The following DLGAP4 variants were observed in gnomAD, a reference collection of about 807,000 sequenced individuals.
DLGAP4 encodes the protein DLG associated protein 4.
In DLGAP4, 18 loss-of-function variants were observed where a neutral mutation model predicts 86.9. The observed-to-expected ratio is 0.21, with a 90% CI of 0.14 to 0.31. The LOEUF (loss-of-function observed/expected upper bound fraction) is 0.31, where lower values mean the gene tolerates loss of function less well. Among genes scored for constraint, DLGAP4 ranks in the 10% least tolerant of loss-of-function variants. DLGAP4 has a pLI of 1.00. For missense variants in DLGAP4, 1,085 were observed against 1,362.6 expected, an observed-to-expected ratio of 0.80 and a Z score of 3.21; for synonymous variants, 548 against 574.3, an observed-to-expected ratio of 0.95 and a Z score of 0.65.
In DLGAP4 at chr20:36,311,285, G is replaced by A. The variant is rs1251807161; in HGVS notation, c.-304+4773G>A. Among the ~76,000 whole-genome samples, 13 of 152,298 alleles carry A rather than the reference G, an allele frequency of 8.5e-5. No individual in the cohort carries two copies. The East Asian group carries it at 2.3e-3, about 27-fold the overall frequency. On this transcript the variant is annotated intron_variant, in intron 1 of 12. Coordinates refer to ENST00000339266, the MANE Select transcript of DLGAP4 (RefSeq NM_001365621.2). Reference sequence around the variant, plus strand: ...GCCCCTCTCACTGGGTCCTTGCAGGGAGGGCAGCGTTTAGGGGCTTCTCAC... The same window carrying A: ...GCCCCTCTCACTGGGTCCTTGCAGGAAGGGCAGCGTTTAGGGGCTTCTCAC...
At chr20:36,499,396 C>A in intron 8 of DLGAP4, 192 bp from the exon 9 acceptor site, 1 of 1,496,584 alleles carries the variant, frequency 6.7e-7, no homozygotes, top group Non-Finnish European at 9.1e-7. Flanking sequence ...CCCGCCTCCA[C>A]GCGAATGAGC....
chr20:36,342,997 C>A (rs2065399149), intron 1 of DLGAP4, among the ~76,000 whole-genome samples: 2 of 152,088 alleles, frequency 1.3e-5, no homozygotes, highest in Non-Finnish European at 2.9e-5. Context: ...GAGGGCAGGG[C>A]ACCTGAGGGA....
intron 1 of DLGAP4, among the ~76,000 whole-genome samples, chr20:36,358,997 C>G (rs1246822949): frequency 6.6e-6 from 1 of 152,182 alleles, no homozygotes; most frequent in Non-Finnish European, 1.5e-5. Context: ...TCCAGTCCTT[C>G]CAGTCTGGGA....
intron 10 of DLGAP4, among the ~76,000 whole-genome samples, chr20:36,513,516 C>T (rs1454488188): frequency 2.0e-5 from 3 of 146,570 alleles, no homozygotes; most frequent in Non-Finnish European, 3.0e-5. Context: ...CCACTGCAGT[C>T]CGCAATCCGG....
At position 36,482,679 on chromosome 20, in the gene DLGAP4, T is replaced by C. The variant is rs147908381; in HGVS notation, c.1649-14026T>C. ...CGTGGGTTGTTTTTTTGTTTTTGTT[T>C]TTGTTTTTTTGAGACAGGGTCTAAC... On this transcript the variant is annotated intron_variant, in intron 7 of 12. Coordinates refer to ENST00000339266, the MANE Select transcript of DLGAP4 (RefSeq NM_001365621.2). Among the ~76,000 whole-genome samples the C allele has an allele frequency of 5.5e-3, 830 of 152,250 alleles. 12 individuals carry two copies. Among genetic ancestry groups the C allele is most frequent in the African/African-American group, 0.019 (801 of 41,536 alleles).
chr20:36,389,724 G>A (rs2031723915), intron 2 of DLGAP4, among the ~76,000 whole-genome samples: 1 of 152,114 alleles, frequency 6.6e-6, no homozygotes, highest in South Asian at 2.1e-4. Flanking sequence ...TTTATTAAAG[G>A]TAGGCTATAA....
At chr20:36,398,113 T>C (rs1161896010) in intron 2 of DLGAP4, among the ~76,000 whole-genome samples, 1 of 152,240 alleles carries the variant, frequency 6.6e-6, no homozygotes. Flanking sequence ...AAAAAAACTT[T>C]GCCAATTTTT....
intron 2 of DLGAP4, among the ~76,000 whole-genome samples, chr20:36,372,242 A>C (rs2030970577): frequency 6.6e-6 from 1 of 152,212 alleles, no homozygotes; most frequent in South Asian, 2.1e-4. Context: ...TGACTGCTAA[A>C]GGTGGCACCT....
In DLGAP4 at chr20:36,486,818, G is replaced by A. The variant is rs964222070; in HGVS notation, c.1649-9887G>A. Among the ~76,000 whole-genome samples, 53 of 151,950 alleles carry A rather than the reference G, an allele frequency of 3.5e-4. 1 individual carries two copies. The highest frequency in any genetic ancestry group is 3.4e-3 in the Middle Eastern group (1 of 294). On this transcript the variant is annotated intron_variant, in intron 7 of 12. Transcript: ENST00000339266. ...GTAGAGGCGGGGTTTCACCATGTTG[G>A]CCAGGCTGGTCTCAAACTCCTGACC...
chr20:36,424,791 A>G (rs1213285426), intron 2 of DLGAP4, among the ~76,000 whole-genome samples: 7 of 148,710 alleles, frequency 4.7e-5, no homozygotes, highest in Non-Finnish European at 1.0e-4. Flanking sequence ...TCTGGAGTGC[A>G]GTGGCACAAT....
At chr20:36,444,409 G>T (rs991548238) in intron 6 of DLGAP4, among the ~76,000 whole-genome samples, 1 of 151,700 alleles carries the variant, frequency 6.6e-6, no homozygotes, top group Non-Finnish European at 1.5e-5. Context: ...TCAACCTCCC[G>T]AGTAGCTGGG....
intron 3 of DLGAP4, among the ~76,000 whole-genome samples, chr20:36,435,360 G>A (rs766234627): frequency 6.6e-6 from 1 of 152,206 alleles, no homozygotes; most frequent in Non-Finnish European, 1.5e-5. Flanking sequence ...GCAGCCAGCA[G>A]AGCCCGGCTC....
intron 7 of DLGAP4, among the ~76,000 whole-genome samples, chr20:36,451,225 C>T (rs916606821): frequency 6.6e-6 from 1 of 152,182 alleles, no homozygotes; most frequent in Non-Finnish European, 1.5e-5. Flanking sequence ...AAGCCATACC[C>T]ATAATTGTTT....
intron 7 of DLGAP4, chr20:36,461,868 G>T: frequency 2.0e-6 from 2 of 983,470 alleles, no homozygotes; most frequent in Non-Finnish European, 2.4e-6. Flanking sequence ...CTCTGCCCTC[G>T]CGCTCCTCCG....
At chr20:36,440,023 T>A (rs2033402074) in intron 5 of DLGAP4, among the ~76,000 whole-genome samples, 155 bp downstream of exon 5, 1 of 152,192 alleles carries the variant, frequency 6.6e-6, no homozygotes, top group South Asian at 2.1e-4. Context: ...CTCCTGTGTG[T>A]GTCTCTGCCC....
intron 6 of DLGAP4, among the ~76,000 whole-genome samples, chr20:36,444,118 G>A (rs1396480371): frequency 6.6e-6 from 1 of 152,168 alleles, no homozygotes; most frequent in African/African-American, 2.4e-5. Context: ...TGCAGTTTTG[G>A]AGGAGAAACA....
chr20:36,452,517 C>CT (rs35771997), intron 7 of DLGAP4, among the ~76,000 whole-genome samples: 2,602 of 132,054 alleles, frequency 0.02, 75 homozygotes, highest in African/African-American at 0.059. Flanking sequence ...TCTTGTAAAT[C>CT]TTTTTTTTTT....
At chr20:36,499,396 C>T (rs1462674298) in intron 8 of DLGAP4, 192 bp from the exon 9 acceptor site, 15 of 1,496,480 alleles carry the variant, frequency 1.0e-5, no homozygotes, top group African/African-American at 4.2e-5. Flanking sequence ...CCCGCCTCCA[C>T]GCGAATGAGC....
At chr20:36,466,801 C>G (rs534836442) in intron 7 of DLGAP4, among the ~76,000 whole-genome samples, 83 of 152,350 alleles carry the variant, frequency 5.4e-4, no homozygotes, top group African/African-American at 2.0e-3. Context: ...CTCCCCCGGG[C>G]TCCCTCGTCT....
Sources: gnomAD v4.1 joint callset for allele counts (sites outside exome capture counted in the v4.1 genomes callset) on GRCh38, gnomAD v4.1.1 for gene constraint, MANE v1.5 for transcripts, NCBI Gene and HGNC (gene_info 2026-07-23, HGNC 2026-07-21) for gene names.